BMPR1B: variants seen among roughly 807,000 people sequenced by gnomAD.
The protein encoded by BMPR1B is bone morphogenetic protein receptor type 1B, also known as bone morphogenetic protein receptor type-1B.
A neutral mutation model predicts 59.1 loss-of-function variants in BMPR1B; 12 were observed. The ratio of observed to expected loss-of-function variants is 0.20; its 90% CI spans 0.13 to 0.33. The LOEUF is 0.33. Ranked by LOEUF, BMPR1B falls within the 10% of genes least tolerant of loss-of-function variation. The pLI is 1.00. For missense variants in BMPR1B, 550 were observed against 610.9 expected, an observed-to-expected ratio of 0.90 and a Z score of 1.05; for synonymous variants, 237 against 207.3, an observed-to-expected ratio of 1.14 and a Z score of -1.23.
Position 94,758,019 on chromosome 4 carries a change from G to C in BMPR1B, c.-232G>C, listed in dbSNP as rs1324160107. ...GCGGGGCCTCGCGGGACGCCGGGCA[G>C]TGCGGAGACCGCGGCGCTGAGGACG... On this transcript the variant is annotated 5_prime_UTR_variant, in exon 1 of 13. Transcript: ENST00000515059. 6.8e-6 allele frequency: 1 copy of C among 147,788 alleles called. No homozygotes were observed. The highest frequency in any genetic ancestry group is 1.5e-5 in the Non-Finnish European group (1 of 66,136). 9.2% of individuals were successfully genotyped at this position (147,788 alleles called of 1,614,324 possible). A position where few individuals can be genotyped will look rare whatever the true frequency, so the allele number is the denominator to read the frequency against.
intron 1 of BMPR1B, among the ~76,000 whole-genome samples, chr4:94,806,198 G>A (rs1028716263): frequency 6.6e-6 from 1 of 152,068 alleles, no homozygotes; most frequent in Non-Finnish European, 1.5e-5. Context: ...TTGTAATGGG[G>A]TATATGAAAA....
intron 1 of BMPR1B, among the ~76,000 whole-genome samples, chr4:94,869,167 AT>A (rs1726381666): frequency 6.6e-6 from 1 of 151,588 alleles, no homozygotes; most frequent in South Asian, 2.1e-4. Context: ...AAGAATAATA[AT>A]TTGTATTTGT....
chr4:95,104,338 T>A, intron 3 of BMPR1B, 70 bp from the exon 4 acceptor site: 1 of 1,515,366 alleles, frequency 6.6e-7, no homozygotes, highest in Non-Finnish European at 9.1e-7. Flanking sequence ...TAATCTCATG[T>A]TTTCGTTTGA....
chr4:94,953,652 TG>T, intron 2 of BMPR1B, among the ~76,000 whole-genome samples: 1 of 152,346 alleles, frequency 6.6e-6, no homozygotes, highest in Non-Finnish European at 1.5e-5. Flanking sequence ...CTTTCATTTG[TG>T]GGTAACCTGA....
chr4:94,887,982 C>G (rs2148986869), intron 2 of BMPR1B, among the ~76,000 whole-genome samples: 1 of 152,086 alleles, frequency 6.6e-6, no homozygotes, highest in South Asian at 2.1e-4. Context: ...TAAGGGCTAA[C>G]AGGCAAAAAG....
At chr4:94,861,672 G>A (rs1200559611) in intron 1 of BMPR1B, among the ~76,000 whole-genome samples, 3 of 152,068 alleles carry the variant, frequency 2.0e-5, no homozygotes, top group African/African-American at 7.2e-5. Context: ...GAGAAATTAG[G>A]CTTTATGATA....
At chr4:95,095,631 A>G (rs141597507) in intron 3 of BMPR1B, among the ~76,000 whole-genome samples, 178 of 152,274 alleles carry the variant, frequency 1.2e-3, no homozygotes, top group African/African-American at 4.1e-3. Flanking sequence ...TTAAAAATGA[A>G]AAAGATAAAG....
At chr4:94,825,525 A>AG (rs1016143851) in intron 1 of BMPR1B, among the ~76,000 whole-genome samples, 1 of 152,096 alleles carries the variant, frequency 6.6e-6, no homozygotes, top group Non-Finnish European at 1.5e-5. Flanking sequence ...ACAAAACAAA[A>AG]CAAAACAAAA....
intron 1 of BMPR1B, among the ~76,000 whole-genome samples, chr4:94,845,036 C>G (rs940416536): frequency 6.6e-6 from 1 of 152,000 alleles, no homozygotes; most frequent in Non-Finnish European, 1.5e-5. Context: ...GTAAGCATTT[C>G]TCTGCTGTTA....
chr4:95,091,377 C>A, intron 3 of BMPR1B: 1 of 825,938 alleles, frequency 1.2e-6, no homozygotes, highest in Non-Finnish European at 1.5e-6. Context: ...TAGCTCATTG[C>A]TTGACCGGAA....
chr4:95,151,276 G>A (rs1201145569), intron 11 of BMPR1B, among the ~76,000 whole-genome samples: 1 of 152,178 alleles, frequency 6.6e-6, no homozygotes, highest in Non-Finnish European at 1.5e-5. Context: ...TTTAAGTGGT[G>A]AGCTCTGCCT....
At chr4:94,761,311 T>G (rs1188452801) in intron 1 of BMPR1B, among the ~76,000 whole-genome samples, 1 of 152,150 alleles carries the variant, frequency 6.6e-6, no homozygotes, top group East Asian at 1.9e-4. Flanking sequence ...TATTTCTATG[T>G]GGTAGGCATT....
In BMPR1B at chr4:95,080,220, AT is replaced by A. The variant is rs2149233182; in HGVS notation, c.-17-24187del. On this transcript the variant is annotated intron_variant, in intron 3 of 12. Transcript: ENST00000515059. Reference sequence around the variant, plus strand: ...TAGCTTATCTTAAAATATTTTATGTATGTATGTATGTATGTACATATGTACG... The same window carrying A: ...TAGCTTATCTTAAAATATTTTATGTAGTATGTATGTATGTACATATGTACG... Among the ~76,000 whole-genome samples the A allele has an allele frequency of 1.3e-5, 2 of 152,240 alleles. 1 individual carries two copies. Among genetic ancestry groups the A allele is most frequent in the South Asian group, 4.1e-4 (2 of 4,826 alleles).
intron 3 of BMPR1B, among the ~76,000 whole-genome samples, chr4:95,102,016 T>C (rs1002690826): frequency 4.6e-5 from 7 of 152,330 alleles, no homozygotes; most frequent in African/African-American, 1.7e-4. Flanking sequence ...TAACATTTTT[T>C]CTTGTCAGTA....
At chr4:94,915,451 T>C (rs1728446565) in intron 2 of BMPR1B, among the ~76,000 whole-genome samples, 1 of 152,216 alleles carries the variant, frequency 6.6e-6, no homozygotes, top group African/African-American at 2.4e-5. Context: ...ACAGCACACA[T>C]AAATTGACTT....
At chr4:94,861,188 T>C (rs1379357126) in intron 1 of BMPR1B, among the ~76,000 whole-genome samples, 1 of 152,206 alleles carries the variant, frequency 6.6e-6, no homozygotes, top group Non-Finnish European at 1.5e-5. Flanking sequence ...GCTTGCTAGC[T>C]GGGTGACTGA....
chr4:94,996,294 T>C (rs1722050364), intron 3 of BMPR1B, 160 bp downstream of exon 3: 1 of 152,148 alleles, frequency 6.6e-6, no homozygotes, highest in African/African-American at 2.4e-5. Flanking sequence ...TTTTGTGTAC[T>C]GCTGTTGAGA....
At chr4:95,024,242 C>T (rs1485959731) in intron 3 of BMPR1B, among the ~76,000 whole-genome samples, 1 of 152,108 alleles carries the variant, frequency 6.6e-6, no homozygotes, top group East Asian at 1.9e-4. Flanking sequence ...TTTAACTTAC[C>T]TTTATTTTAG....
intron 1 of BMPR1B, among the ~76,000 whole-genome samples, chr4:94,759,123 C>T (rs1361242511): frequency 6.6e-6 from 1 of 152,182 alleles, no homozygotes; most frequent in Non-Finnish European, 1.5e-5. Flanking sequence ...TGCACCCCTC[C>T]AGCTGGGTCC....
Sources: gnomAD v4.1 joint callset for allele counts (sites outside exome capture counted in the v4.1 genomes callset) on GRCh38, gnomAD v4.1.1 for gene constraint, MANE v1.5 for transcripts, NCBI Gene and HGNC (gene_info 2026-07-23, HGNC 2026-07-21) for gene names.